Variants in WDPCP observed in about 807,000 individuals in gnomAD.
The protein encoded by WDPCP is WD repeat containing planar cell polarity effector.
Under a neutral mutation model 93.1 loss-of-function variants are expected in WDPCP, and 71 were observed. The observed-to-expected ratio is 0.76, with a 90% confidence interval of 0.63 to 0.93. WDPCP has a LOEUF of 0.93. Among genes scored for constraint, WDPCP ranks in the 40% least tolerant of loss-of-function variants. The pLI is 0.00. For missense variants in WDPCP, 844 were observed against 887.4 expected (o/e 0.95, Z 0.62); for synonymous variants, 315 against 315.0 (o/e 1.00, Z 0.00).
At chr2:63,203,322 A>G (rs1307231391) in intron 14 of WDPCP, among the ~76,000 whole-genome samples, 1 of 152,170 alleles carries the variant, frequency 6.6e-6, no homozygotes, top group African/African-American at 2.4e-5. Context: ...CAATCCAATT[A>G]TACTCTTTTA....
chr2:63,173,268 C>CAAA (rs10714315), intron 15 of WDPCP, among the ~76,000 whole-genome samples: 1 of 123,972 alleles, frequency 8.1e-6, no homozygotes, highest in African/African-American at 3.3e-5. Context: ...AACTCTGTCG[C>CAAA]AAAAAAAAAA....
chr2:63,218,225 TG>T (rs1384877677), intron 14 of WDPCP, among the ~76,000 whole-genome samples: 2 of 152,184 alleles, frequency 1.3e-5, no homozygotes, highest in Non-Finnish European at 2.9e-5. Context: ...GAGGGGATTA[TG>T]GGGCATTTTT....
chr2:63,310,104 T>C (rs1242373177), intron 13 of WDPCP, among the ~76,000 whole-genome samples: 1 of 152,172 alleles, frequency 6.6e-6, no homozygotes, highest in Non-Finnish European at 1.5e-5. Flanking sequence ...ATAAAATATA[T>C]ACTAGAACTG....
At chr2:63,764,197 G>A (rs1441822104) in intron 2 of WDPCP, among the ~76,000 whole-genome samples, 1 of 152,160 alleles carries the variant, frequency 6.6e-6, no homozygotes, top group African/African-American at 2.4e-5. Flanking sequence ...CAGTCACCCT[G>A]AGAATTATTT....
At chr2:63,216,357 C>T (rs2104449989) in intron 14 of WDPCP, among the ~76,000 whole-genome samples, 1 of 152,276 alleles carries the variant, frequency 6.6e-6, no homozygotes, top group South Asian at 2.1e-4. Flanking sequence ...CACATATACA[C>T]CATAGAATAC....
rs1675276981 is a variant in WDPCP at position 63,194,519 on chromosome 2, AG to A, written c.1916-19688del. On this transcript the variant is annotated intron_variant, in intron 14 of 17. Transcript: ENST00000272321. ...CATTAGAAAAATAAGTAAGCAAAACAGGAAAAATATGCAATTATAATGTGTT... is the reference window on the plus strand; with the variant it reads ...CATTAGAAAAATAAGTAAGCAAAACAGAAAAATATGCAATTATAATGTGTT... 1.5e-5 allele frequency among the ~76,000 whole-genome samples: 2 copies of A among 132,040 alleles called. 1 individual carries two copies. The allele number at this position is 132,040 out of a possible 152,430, so 86.6% of individuals were successfully genotyped here.
intron 15 of WDPCP, among the ~76,000 whole-genome samples, chr2:63,166,268 T>C (rs1672967449): frequency 6.6e-6 from 1 of 152,048 alleles, no homozygotes; most frequent in South Asian, 2.1e-4. Flanking sequence ...GGTTTCACCA[T>C]GTTGGCCAGG....
At chr2:63,304,687 C>T (rs149878384) in intron 13 of WDPCP, among the ~76,000 whole-genome samples, 2,147 of 152,218 alleles carry the variant, frequency 0.014, 29 homozygotes, top group Non-Finnish European at 0.022. Context: ...GGGAAGACAC[C>T]GAGCTAGCTG....
intron 12 of WDPCP, among the ~76,000 whole-genome samples, chr2:63,360,406 G>C (rs1690358918): frequency 6.6e-6 from 1 of 152,022 alleles, no homozygotes; most frequent in Non-Finnish European, 1.5e-5. Context: ...AGAAACCCTT[G>C]TTGGTTTTTA....
chr2:63,780,343 G>C (rs937794719), intron 2 of WDPCP, among the ~76,000 whole-genome samples: 1 of 152,254 alleles, frequency 6.6e-6, no homozygotes, highest in East Asian at 1.9e-4. Flanking sequence ...TGTACCCTGA[G>C]AGAAACTCCC....
chr2:63,324,523 G>C (rs1450700499), intron 12 of WDPCP, among the ~76,000 whole-genome samples: 1 of 152,198 alleles, frequency 6.6e-6, no homozygotes, highest in African/African-American at 2.4e-5. Flanking sequence ...AAAGTTTTCA[G>C]ATGATCCTGA....
chr2:63,827,048 T>C (rs1162823847), intron 1 of WDPCP, among the ~76,000 whole-genome samples: 2 of 152,190 alleles, frequency 1.3e-5, no homozygotes, highest in African/African-American at 2.4e-5. Flanking sequence ...CTTCCTTGAA[T>C]CTTTCTTCCT....
intron 13 of WDPCP, among the ~76,000 whole-genome samples, chr2:63,277,004 A>G (rs914089872): frequency 2.0e-5 from 3 of 152,210 alleles, no homozygotes; most frequent in Non-Finnish European, 4.4e-5. Flanking sequence ...TATAAAGGAA[A>G]ACCTATCAGA....
chr2:63,718,188 T>G (rs1669365377), intron 2 of WDPCP, among the ~76,000 whole-genome samples: 1 of 152,166 alleles, frequency 6.6e-6, no homozygotes, highest in South Asian at 2.1e-4. Flanking sequence ...TGATTCCATA[T>G]CTTATTGTAA....
intron 2 of WDPCP, among the ~76,000 whole-genome samples, chr2:63,790,502 T>C (rs1173173239): frequency 6.6e-6 from 1 of 152,212 alleles, no homozygotes; most frequent in Non-Finnish European, 1.5e-5. Context: ...CTTGAGCAGG[T>C]AGTCAGAGTT....
chr2:63,798,793 T>G (rs904720720), intron 2 of WDPCP, among the ~76,000 whole-genome samples: 1 of 152,018 alleles, frequency 6.6e-6, no homozygotes, highest in East Asian at 1.9e-4. Context: ...CTGAATGGAT[T>G]AAAAATCAAG....
intron 12 of WDPCP, among the ~76,000 whole-genome samples, chr2:63,353,959 T>G (rs1689820192): frequency 6.6e-6 from 1 of 152,180 alleles, no homozygotes; most frequent in South Asian, 2.1e-4. Context: ...GAGCCTCCAG[T>G]CATCCCCTGC....
chr2:63,716,788 C>G (rs1259777661), intron 2 of WDPCP, among the ~76,000 whole-genome samples: 1 of 152,158 alleles, frequency 6.6e-6, no homozygotes, highest in Non-Finnish European at 1.5e-5. Flanking sequence ...ACTGATCTGA[C>G]CAGAACTCTT....
intron 12 of WDPCP, chr2:63,369,444 C>A (rs935216641): frequency 4.4e-6 from 2 of 456,378 alleles, no homozygotes; most frequent in African/African-American, 4.0e-5. Context: ...GGTCCTCTAC[C>A]CAGGTCCTCA....
Sources: allele counts gnomAD v4.1 joint callset (sites outside exome capture counted in the v4.1 genomes callset), GRCh38; gene constraint gnomAD v4.1.1; transcripts MANE v1.5; gene names NCBI Gene and HGNC (gene_info 2026-07-23, HGNC 2026-07-21).